Variants in PLXNB1 observed in about 807,000 individuals in gnomAD.
PLXNB1 encodes the protein plexin-B1.
PLXNB1 carries 106 observed loss-of-function variants against 209.4 expected under a neutral mutation model. The ratio of observed to expected loss-of-function variants is 0.51; its 90% CI spans 0.43 to 0.59. The LOEUF is 0.59. PLXNB1 is among the 20% of genes least tolerant of loss of function. The probability of loss-of-function intolerance (pLI) is 0.00; values close to 1 mark genes in which losing one functional copy is unlikely to be tolerated. For synonymous variants in PLXNB1, 1,167 were observed against 1,183.2 expected, an observed-to-expected ratio of 0.99 and a Z score of 0.28; for missense variants, 2,357 against 2,853.2, an observed-to-expected ratio of 0.83 and a Z score of 3.96.
Position 48,412,903 on chromosome 3 carries a change from AG to A in PLXNB1, c.4692del (p.Phe1565SerfsTer110). 1 of 1,614,062 alleles carries A rather than the reference AG, an allele frequency of 6.2e-7. No individual in the cohort carries two copies. Among genetic ancestry groups the A allele is most frequent in the Non-Finnish European group, 8.5e-7 (1 of 1,180,012 alleles). ...LTSDLLGSGI[P>X]FLDYKVYAER... ...TCCGCATACACCTTGTAGTCGAGGA[AG>A]GGGATGCCGCTGCCCAGGAGGTCAC... is the stretch of plus-strand genomic sequence containing the variant. On this transcript the variant is annotated frameshift_variant, in exon 25 of 38. Transcript: ENST00000296440. LOFTEE classifies it high-confidence loss of function.
chr3:48,420,694 C>A lies in PLXNB1; in HGVS notation c.1999G>T (p.Asp667Tyr). ...TGGCTTGCAACCATGGGCCCAGCAT[C>A]ACACGAGGCCTTGTGGGTGCACAGG... Reference protein sequence around the residue: ...QHLCTHKASCDAGPMVASHQS... With the variant: ...QHLCTHKASCYAGPMVASHQS... Residue 667 changes from aspartate (D) to tyrosine (Y), a missense_variant, in exon 10 of 38, where the codon GAT becomes TAT. Physicochemically the swap from Asp to Tyr is radical, Grantham distance 160. Transcript: ENST00000296440. 2 of 1,613,964 alleles carry A rather than the reference C, an allele frequency of 1.2e-6. No homozygotes were observed. The highest frequency in any genetic ancestry group is 1.7e-6 in the Non-Finnish European group (2 of 1,179,958).
rs1316669160 is a variant in PLXNB1 at position 48,430,046 on chromosome 3, G to A, written c.-98C>T. ...CGCCTTGTTTCTCCCCTGCGCACCT[G>A]GCCCTGCCCACCGCCCCTGCTCACC... On this transcript the variant is annotated 5_prime_UTR_variant, in exon 1 of 38. Coordinates refer to ENST00000296440, the MANE Select transcript of PLXNB1 (RefSeq NM_001130082.3). 6.6e-6 allele frequency: 1 copy of A among 152,492 alleles called. No homozygotes were observed. Among genetic ancestry groups the A allele is most frequent in the Admixed American group, 6.5e-5 (1 of 15,282 alleles). The allele number at this position is 152,492 out of a possible 1,614,324, so 9.4% of individuals were successfully genotyped here.
At position 48,414,853 on chromosome 3, in the gene PLXNB1, A is replaced by G; in HGVS notation, c.4155T>C (p.Pro1385=). 1 of 1,614,082 alleles carries G rather than the reference A, an allele frequency of 6.2e-7. No homozygotes were observed. Among genetic ancestry groups the G allele is most frequent in the Non-Finnish European group, 8.5e-7 (1 of 1,180,020 alleles). ...GCCGGAATGGCATGGTGGGGTCCTC[A>G]GGGTTGAGTGGCTGCAGGGTGGGGT... ...EADPTLQPLN[P]EDPTMPFRHK... Residue 1385 remains proline (P), a synonymous_variant, in exon 21 of 38, where the codon CCT becomes CCC. Coordinates refer to ENST00000296440, the MANE Select transcript of PLXNB1 (RefSeq NM_001130082.3).
At position 48,424,615 on chromosome 3, in the gene PLXNB1, C is replaced by A; in HGVS notation, c.-4G>T. 1 of 1,536,194 alleles carries A rather than the reference C, an allele frequency of 6.5e-7. No homozygotes were observed. The highest frequency in any genetic ancestry group is 1.2e-5 in the South Asian group (1 of 83,980). Reference sequence around the variant, plus strand: ...GAGCTGGGCCCAGAGCAGGCATGGTCACCTGGCAGGAAGAGAGGTCGAGAG... The same window carrying A: ...GAGCTGGGCCCAGAGCAGGCATGGTAACCTGGCAGGAAGAGAGGTCGAGAG... On this transcript the variant is annotated splice_region_variant and 5_prime_UTR_variant, in exon 3 of 38. It removes the in-frame stop codon of an upstream open reading frame in the 5' UTR. Coordinates refer to ENST00000296440, the MANE Select transcript of PLXNB1 (RefSeq NM_001130082.3).
In PLXNB1 at chr3:48,405,797, T is replaced by G. The variant is rs770844943; in HGVS notation, c.6230A>C (p.Asn2077Thr). Residue 2077 changes from asparagine (N) to threonine (T), a missense_variant and splice_region_variant, in exon 37 of 38, where the codon AAC becomes ACC. Asn to Thr is a moderately conservative substitution (Grantham distance 65). Transcript: ENST00000296440. This position sits in a 1 kb window ranked among gnomAD's most constrained non-coding sequence, Gnocchi z 5.0. ...MNSVLAELSW[N>T]YSGDLGARVA... ...TCGCGCCCCGAGGTCTCCGGAGTAG[T>G]TCTAGGGAAGAGGCCAAATGAAAGG... The G allele has an allele frequency of 1.2e-6, 2 of 1,612,894 alleles. No individual in the cohort carries two copies. Among genetic ancestry groups the G allele is most frequent in the African/African-American group, 2.7e-5 (2 of 74,854 alleles).
At position 48,404,568 on chromosome 3, in the gene PLXNB1, T is replaced by G; in HGVS notation, c.6326A>C (p.Asp2109Ala). The change falls in exon 38 of 38, where the codon GAT becomes GCT. Residue 2109 changes from aspartate to alanine, a missense_variant. Physicochemically the swap from Asp to Ala is moderately radical, Grantham distance 126 (BLOSUM62 -2). Transcript: ENST00000296440. ...YDQIITALEE[D>A]GTAQKMQLGY... ...CAGCTGCATCTTCTGGGCCGTGCCATCCTCCTCCAGGGCAGTGATGATCTG... is the reference window on the plus strand; with the variant it reads ...CAGCTGCATCTTCTGGGCCGTGCCAGCCTCCTCCAGGGCAGTGATGATCTG... 6.2e-7 allele frequency: 1 copy of G among 1,613,104 alleles called. No individual in the cohort carries two copies. The highest frequency in any genetic ancestry group is 8.5e-7 in the Non-Finnish European group (1 of 1,179,288).
At chr3:48,404,615 G>A (rs2037201259) in intron 37 of PLXNB1, 25 bp from the exon 38 acceptor site, 2 of 1,516,260 alleles carry the variant, frequency 1.3e-6, no homozygotes, top group South Asian at 1.1e-5. Flanking sequence ...AATGCCATCA[G>A]GGGAGACTTC....
rs993177622 is a variant in PLXNB1 at position 48,418,570 on chromosome 3, C to T, written c.2956-28G>A. 4 of 1,546,002 alleles carry T rather than the reference C, an allele frequency of 2.6e-6. No homozygotes were observed. In the African/African-American group the frequency reaches 4.1e-5, roughly 16 times the overall value. The stretch of plus-strand genomic sequence containing the variant: ...GGAGAAATGGGAGTGGGTTCAGAGT[C>T]AAGCACTGGGGGAAGTGTCAGGCCT... On this transcript the variant is annotated intron_variant, in intron 13 of 37. Coordinates refer to ENST00000296440, the MANE Select transcript of PLXNB1 (RefSeq NM_001130082.3). This position sits in a 1 kb window ranked among gnomAD's most constrained non-coding sequence, Gnocchi z 6.6.
chr3:48,417,882 C>G lies in PLXNB1; in HGVS notation c.3374+29G>C. ...CAACCGCGGAGGCCCCAGGCTGCGC[C>G]GTGCTCCTGCTGGGTGCAGCCAGCT... On this transcript the variant is annotated intron_variant, in intron 16 of 37. Transcript: ENST00000296440. This position sits in a 1 kb window ranked among gnomAD's most constrained non-coding sequence, Gnocchi z 4.4. 6.3e-7 allele frequency: 1 copy of G among 1,590,992 alleles called. No individual in the cohort carries two copies. The highest frequency in any genetic ancestry group is 1.1e-5 in the South Asian group (1 of 89,476).
In PLXNB1 at chr3:48,406,214, G is replaced by T. The variant is rs2037308117; in HGVS notation, c.6229-416C>A. On this transcript the variant is annotated intron_variant, in intron 36 of 37. Transcript: ENST00000296440. The surrounding 1 kb of genome is among the most constrained non-coding windows in gnomAD (Gnocchi z 4.4). ...CTCTGGCCTAACTCAAGTATTTCCTGAGGTCACTCTCAGGCCCCTCCATGG... is the reference window on the plus strand; with the variant it reads ...CTCTGGCCTAACTCAAGTATTTCCTTAGGTCACTCTCAGGCCCCTCCATGG... 4.8e-6 allele frequency: 1 copy of T among 208,326 alleles called. No individual in the cohort carries two copies. The highest frequency in any genetic ancestry group is 9.7e-6 in the Non-Finnish European group (1 of 102,650). The allele number at this position is 208,326 out of a possible 1,614,324, so 12.9% of individuals were successfully genotyped here.
Position 48,424,005 on chromosome 3 carries a change from T to C in PLXNB1, c.607A>G (p.Thr203Ala). Reference sequence around the variant, plus strand: ...AGGCGGCCCACTGCCAGCTTGGCTGTCTCCTCATAGGAGAAGGCAGCTTGG... The same window carrying C: ...AGGCGGCCCACTGCCAGCTTGGCTGCCTCCTCATAGGAGAAGGCAGCTTGG... ...DPQAAFSYEE[T>A]AKLAVGRLSE... The change falls in exon 3 of 38, where the codon ACA becomes GCA. Residue 203 changes from threonine to alanine, a missense_variant. Coordinates refer to ENST00000296440, the MANE Select transcript of PLXNB1 (RefSeq NM_001130082.3). 1 of 1,612,656 alleles carries C rather than the reference T, an allele frequency of 6.2e-7. No individual in the cohort carries two copies. Among genetic ancestry groups the C allele is most frequent in the Non-Finnish European group, 8.5e-7 (1 of 1,179,454 alleles).
intron 8 of PLXNB1, 63 bp downstream of exon 8, chr3:48,421,165 A>G: frequency 1.3e-6 from 2 of 1,557,798 alleles, no homozygotes; most frequent in Non-Finnish European, 1.7e-6. Flanking sequence ...TCACACTTTA[A>G]CCCCACCGCA....
Position 48,418,685 on chromosome 3 carries a change from A to T in PLXNB1, c.2956-143T>A. On this transcript the variant is annotated intron_variant, in intron 13 of 37. Coordinates refer to ENST00000296440, the MANE Select transcript of PLXNB1 (RefSeq NM_001130082.3). This position sits in a 1 kb window ranked among gnomAD's most constrained non-coding sequence, Gnocchi z 6.6. ...CATGGGGCCACAAGTTGGAGGGCAG[A>T]GCCAGAAATGGAGTATGGGGACCCC... 1 of 880,754 alleles carries T rather than the reference A, an allele frequency of 1.1e-6. No homozygotes were observed. Among genetic ancestry groups the T allele is most frequent in the Non-Finnish European group, 1.8e-6 (1 of 561,060 alleles). The allele number at this position is 880,754 out of a possible 1,614,324, so 54.6% of individuals were successfully genotyped here.
chr3:48,419,383 C>A lies in PLXNB1; in HGVS notation c.2710-17G>T. 1.9e-6 allele frequency: 3 copies of A among 1,545,702 alleles called. No individual in the cohort carries two copies. Among genetic ancestry groups the A allele is most frequent in the East Asian group, 4.5e-5 (2 of 44,052 alleles). On this transcript the variant is annotated splice_polypyrimidine_tract_variant and intron_variant, in intron 11 of 37. Coordinates refer to ENST00000296440, the MANE Select transcript of PLXNB1 (RefSeq NM_001130082.3). This position sits in a 1 kb window ranked among gnomAD's most constrained non-coding sequence, Gnocchi z 5.7. ...CGCCTCTTCCTGCAGGCACCAAGGG[C>A]AAGGCAGTCTATGGAGCCCACCCTG... is the stretch of plus-strand genomic sequence containing the variant.
intron 27 of PLXNB1, 36 bp from the exon 28 acceptor site, chr3:48,412,045 G>A: frequency 6.2e-7 from 1 of 1,611,568 alleles, no homozygotes; most frequent in Non-Finnish European, 8.5e-7. Context: ...CCCCCAGCAG[G>A]TGGCAGAGGT....
At chr3:48,420,309 G>C in intron 10 of PLXNB1, 52 bp from the exon 11 acceptor site, 1 of 1,062,766 alleles carries the variant, frequency 9.4e-7, no homozygotes, top group Non-Finnish European at 1.4e-6. Flanking sequence ...AGGCAGGCGC[G>C]GGACAGGAGG....
chr3:48,415,531 C>G lies in PLXNB1; in HGVS notation c.3794+52G>C. 1 of 1,502,338 alleles carries G rather than the reference C, an allele frequency of 6.7e-7. No individual in the cohort carries two copies. Among genetic ancestry groups the G allele is most frequent in the Non-Finnish European group, 9.0e-7 (1 of 1,110,706 alleles). The allele number at this position is 1,502,338 out of a possible 1,614,324, so 93.1% of individuals were successfully genotyped here. A position where few individuals can be genotyped will look rare whatever the true frequency, so the allele number is the denominator to read the frequency against. On this transcript the variant is annotated intron_variant, in intron 19 of 37. Coordinates refer to ENST00000296440, the MANE Select transcript of PLXNB1 (RefSeq NM_001130082.3). The surrounding 1 kb of genome is among the most constrained non-coding windows in gnomAD (Gnocchi z 5.0). Reference sequence around the variant, plus strand: ...CCCTACAAACCCCCACATAGTGGAGCTGCAAAGACCTCCCTGCCACCTGCC... The same window carrying G: ...CCCTACAAACCCCCACATAGTGGAGGTGCAAAGACCTCCCTGCCACCTGCC...
Position 48,418,025 on chromosome 3 carries a change from CG to C in PLXNB1, c.3259del (p.Arg1087ValfsTer96). The part of the protein sequence containing the change: ...PLTGPVDGGT[R>X]VTIRGSNLGQ... The stretch of plus-strand genomic sequence containing the variant: ...CAGGTTGGAGCCCCTGATGGTGACA[CG>C]GGTGCCTCCGTCTACAGGCCCAGTC... On this transcript the variant is annotated frameshift_variant, in exon 16 of 38. Transcript: ENST00000296440. LOFTEE classifies it high-confidence loss of function. This position sits in a 1 kb window ranked among gnomAD's most constrained non-coding sequence, Gnocchi z 6.6. 2 of 1,613,496 alleles carry C rather than the reference CG, an allele frequency of 1.2e-6. No individual in the cohort carries two copies. The highest frequency in any genetic ancestry group is 8.5e-7 in the Non-Finnish European group (1 of 1,180,002).
Position 48,417,890 on chromosome 3 carries a change from T to C in PLXNB1, c.3374+21A>G, listed in dbSNP as rs757849765. 11 of 1,599,200 alleles carry C rather than the reference T, an allele frequency of 6.9e-6. No homozygotes were observed. The highest frequency in any genetic ancestry group is 7.7e-6 in the Non-Finnish European group (9 of 1,170,594). On this transcript the variant is annotated intron_variant, in intron 16 of 37. Coordinates refer to ENST00000296440, the MANE Select transcript of PLXNB1 (RefSeq NM_001130082.3). The surrounding 1 kb of genome is among the most constrained non-coding windows in gnomAD (Gnocchi z 4.4). ...GAGGCCCCAGGCTGCGCCGTGCTCCTGCTGGGTGCAGCCAGCTTACCTGCT... is the reference window on the plus strand; with the variant it reads ...GAGGCCCCAGGCTGCGCCGTGCTCCCGCTGGGTGCAGCCAGCTTACCTGCT...
Sources: allele counts gnomAD v4.1 joint callset, GRCh38; gene constraint gnomAD v4.1.1; non-coding constraint Gnocchi (gnomAD v3.1); transcripts MANE v1.5; gene names NCBI Gene and HGNC (gene_info 2026-07-23, HGNC 2026-07-21).